CELF6: variants seen among roughly 807,000 people sequenced by gnomAD.
CELF6 encodes Bruno -like 6, RNA binding protein.
A neutral mutation model predicts 53.1 loss-of-function variants in CELF6; 32 were observed. The observed-to-expected ratio is 0.60, with a 90% confidence interval of 0.46 to 0.81. The LOEUF is 0.81. Among genes scored for constraint, CELF6 ranks in the 30% least tolerant of loss-of-function variants. The pLI is 0.00. For synonymous variants in CELF6, 291 were observed against 288.8 expected, an observed-to-expected ratio of 1.01 and a Z score of -0.08; for missense variants, 539 against 669.5, an observed-to-expected ratio of 0.81 and a Z score of 2.15.
chr15:72,308,221 G>GT (rs11455798), intron 2 of CELF6, among the ~76,000 whole-genome samples: 13,596 of 150,646 alleles, frequency 0.09, 2,024 homozygotes, highest in African/African-American at 0.31. Context: ...AAAAGTTATT[G>GT]TTTTTTTTTG....
rs1191251951 is a variant in CELF6, at chr15:72,288,663, C to A, written c.1094-45G>T. 15 of 1,533,436 alleles carry A rather than the reference C, an allele frequency of 9.8e-6. No individual in the cohort carries two copies. The East Asian group carries it at 3.4e-4, about 35-fold the overall frequency. 95.0% of individuals were successfully genotyped at this position (1,533,436 alleles called of 1,614,324 possible). A position where few individuals can be genotyped will look rare whatever the true frequency, so the allele number is the denominator to read the frequency against. ...TGGACAGTGATCCCCAGGAGCCCTT[C>A]CCCAAGCAGGGCCCCAACTGCCTGG... On this transcript the variant is annotated intron_variant, in intron 9 of 12. Coordinates refer to ENST00000287202, the MANE Select transcript of CELF6 (RefSeq NM_052840.5). The surrounding 1 kb of genome is among the most constrained non-coding windows in gnomAD (Gnocchi z 4.6).
rs912472633 is a variant in CELF6 at position 72,289,514 on chromosome 15, G to C, written c.748-7C>G. ...CCGCCTGGTGCTGCAGGATCTTTGA[G>C]AGGAAAGATGGGCGAGAGTGGAGGG... On this transcript the variant is annotated splice_polypyrimidine_tract_variant and splice_region_variant and intron_variant, in intron 6 of 12. Coordinates refer to ENST00000287202, the MANE Select transcript of CELF6 (RefSeq NM_052840.5). This position sits in a 1 kb window ranked among gnomAD's most constrained non-coding sequence, Gnocchi z 7.6. The C allele has an allele frequency of 2.6e-6, 4 of 1,511,132 alleles. No individual in the cohort carries two copies. The highest frequency in any genetic ancestry group is 3.5e-6 in the Non-Finnish European group (4 of 1,134,336). 93.6% of individuals were successfully genotyped at this position (1,511,132 alleles called of 1,614,324 possible). A position where few individuals can be genotyped will look rare whatever the true frequency, so the allele number is the denominator to read the frequency against.
chr15:72,320,157 C>A lies in CELF6; in HGVS notation c.-283G>T. The A allele has an allele frequency of 1.6e-6, 1 of 626,668 alleles. No homozygotes were observed. Among genetic ancestry groups the A allele is most frequent in the Non-Finnish European group, 3.0e-6 (1 of 337,030 alleles). 38.8% of individuals were successfully genotyped at this position (626,668 alleles called of 1,614,324 possible). A position where few individuals can be genotyped will look rare whatever the true frequency, so the allele number is the denominator to read the frequency against. ...CTCTCTCTGGGCTCCCGCCCGAGCTCTCCCAGAGCCGAGCCCCGAGCCCCA... is the reference window on the plus strand; with the variant it reads ...CTCTCTCTGGGCTCCCGCCCGAGCTATCCCAGAGCCGAGCCCCGAGCCCCA... On this transcript the variant is annotated 5_prime_UTR_variant, in exon 1 of 13. Transcript: ENST00000287202.
At chr15:72,287,001 G>C (rs1156732657) in intron 12 of CELF6, among the ~76,000 whole-genome samples, 1 of 152,230 alleles carries the variant, frequency 6.6e-6, no homozygotes, top group African/African-American at 2.4e-5. Context: ...TCTCCAGGCA[G>C]AAAGACTCTG....
At chr15:72,301,993 C>T (rs1402048393) in intron 3 of CELF6, among the ~76,000 whole-genome samples, 2 of 152,176 alleles carry the variant, frequency 1.3e-5, no homozygotes, top group Admixed American at 1.3e-4. Flanking sequence ...CCTCGGCCTC[C>T]CAAAGTGCTG....
intron 3 of CELF6, among the ~76,000 whole-genome samples, chr15:72,294,567 C>A (rs1158154847): frequency 2.0e-5 from 3 of 152,068 alleles, no homozygotes; most frequent in Admixed American, 6.5e-5. Flanking sequence ...ATTCCACACA[C>A]AAAAAAACTG....
At chr15:72,290,307 C>T (rs770784305) in intron 3 of CELF6, 52 bp from the exon 4 acceptor site, 4 of 1,575,638 alleles carry the variant, frequency 2.5e-6, no homozygotes, top group East Asian at 2.3e-5. Flanking sequence ...CCTAGACCCC[C>T]GAGAGTAGCC....
intron 2 of CELF6, among the ~76,000 whole-genome samples, chr15:72,310,160 C>T (rs1243623410): frequency 6.6e-6 from 1 of 152,194 alleles, no homozygotes; most frequent in Non-Finnish European, 1.5e-5. Context: ...TGAGCACTCA[C>T]ACCCTCAGCA....
At chr15:72,306,054 A>G (rs1184375087) in intron 2 of CELF6, 18 of 983,170 alleles carry the variant, frequency 1.8e-5, no homozygotes, top group Non-Finnish European at 2.2e-5. Flanking sequence ...TAATTTGAAA[A>G]CGCTCCTAGG....
chr15:72,292,424 G>A (rs1567278867), intron 3 of CELF6, among the ~76,000 whole-genome samples: 1 of 152,242 alleles, frequency 6.6e-6, no homozygotes, highest in Non-Finnish European at 1.5e-5. Context: ...GGAGAGGCTG[G>A]AGAAGAGTCT....
chr15:72,308,709 T>G (rs2088261496), intron 2 of CELF6, among the ~76,000 whole-genome samples: 1 of 152,086 alleles, frequency 6.6e-6, no homozygotes, highest in Non-Finnish European at 1.5e-5. Flanking sequence ...CATTTTTATT[T>G]ATTTATTTAT....
rs888622022 is a variant in CELF6 at position 72,301,815 on chromosome 15, C to A, written c.394+2931G>T. ...GCAGTGGTGCGATCTTGGCTCACTG[C>A]AAGCTCCGCCTGCTGGGTTCACGCC... is the stretch of plus-strand genomic sequence containing the variant. On this transcript the variant is annotated intron_variant, in intron 3 of 12. Transcript: ENST00000287202. Among the ~76,000 whole-genome samples the A allele has an allele frequency of 3.4e-5, 5 of 147,058 alleles. No individual in the cohort carries two copies. The South Asian group carries it at 8.7e-4, about 26-fold the overall frequency.
At chr15:72,299,255 AC>A (rs1343038909) in intron 3 of CELF6, among the ~76,000 whole-genome samples, 7 of 152,080 alleles carry the variant, frequency 4.6e-5, no homozygotes, top group Middle Eastern at 3.4e-3. Flanking sequence ...ACAAAACAAC[AC>A]AACAACAACA....
chr15:72,288,715 C>T lies in CELF6; in HGVS notation c.1094-97G>A. On this transcript the variant is annotated intron_variant, in intron 9 of 12. Transcript: ENST00000287202. The surrounding 1 kb of genome is among the most constrained non-coding windows in gnomAD (Gnocchi z 4.6). ...CGCTTTTGACCAATTCAGCCCAGTC[C>T]ACCATAACCCTCACCCCAAGAGAGG... 2 of 1,386,006 alleles carry T rather than the reference C, an allele frequency of 1.4e-6. No individual in the cohort carries two copies. Among genetic ancestry groups the T allele is most frequent in the Non-Finnish European group, 2.0e-6 (2 of 997,490 alleles). 85.9% of individuals were successfully genotyped at this position (1,386,006 alleles called of 1,614,324 possible). A position where few individuals can be genotyped will look rare whatever the true frequency, so the allele number is the denominator to read the frequency against.
At chr15:72,291,331 A>G (rs894237759) in intron 3 of CELF6, among the ~76,000 whole-genome samples, 4 of 152,176 alleles carry the variant, frequency 2.6e-5, no homozygotes, top group Admixed American at 2.6e-4. Context: ...GCCTGCTGTT[A>G]AAGTCTGGGG....
At chr15:72,302,684 C>T (rs886771481) in intron 3 of CELF6, among the ~76,000 whole-genome samples, 3 of 152,180 alleles carry the variant, frequency 2.0e-5, no homozygotes, top group Non-Finnish European at 4.4e-5. Context: ...AGCAGGAGTG[C>T]CCTAGCATTG....
rs932424357 is a variant in CELF6, at chr15:72,285,116, C to T, written c.*1255G>A. 1 of 152,776 alleles carries T rather than the reference C, an allele frequency of 6.5e-6. No individual in the cohort carries two copies. The highest frequency in any genetic ancestry group is 1.5e-5 in the Non-Finnish European group (1 of 68,140). The allele number at this position is 152,776 out of a possible 1,614,324, so 9.5% of individuals were successfully genotyped here. A position where few individuals can be genotyped will look rare whatever the true frequency, so the allele number is the denominator to read the frequency against. The stretch of plus-strand genomic sequence containing the variant: ...AGACAGACAGACAGAGCACACACCA[C>T]TTCTAAGCTCAACACTGCTCACCAA... On this transcript the variant is annotated 3_prime_UTR_variant, in exon 13 of 13. Coordinates refer to ENST00000287202, the MANE Select transcript of CELF6 (RefSeq NM_052840.5).
At chr15:72,309,808 A>T (rs1443164155) in intron 2 of CELF6, among the ~76,000 whole-genome samples, 5 of 152,238 alleles carry the variant, frequency 3.3e-5, no homozygotes, top group Admixed American at 6.5e-5. Context: ...CAGGCCAAAA[A>T]CTTGTCCTGG....
At position 72,289,771 on chromosome 15, in the gene CELF6, C is replaced by A; in HGVS notation, c.604-1G>T. 6.9e-7 allele frequency: 1 copy of A among 1,451,538 alleles called. No homozygotes were observed. The highest frequency in any genetic ancestry group is 9.0e-7 in the Non-Finnish European group (1 of 1,108,160). 89.9% of individuals were successfully genotyped at this position (1,451,538 alleles called of 1,614,324 possible). A position where few individuals can be genotyped will look rare whatever the true frequency, so the allele number is the denominator to read the frequency against. On this transcript the variant is annotated splice_acceptor_variant, in intron 5 of 12. Coordinates refer to ENST00000287202, the MANE Select transcript of CELF6 (RefSeq NM_052840.5). LOFTEE classifies it high-confidence loss of function. This position sits in a 1 kb window ranked among gnomAD's most constrained non-coding sequence, Gnocchi z 7.6. The stretch of plus-strand genomic sequence containing the variant: ...TGACCACGAGGCTGGACGAGGCGCC[C>A]TGGGCAGGGCAGGGGAGGCCGTGGT...
Sources: allele counts gnomAD v4.1 joint callset (sites outside exome capture counted in the v4.1 genomes callset), GRCh38; gene constraint gnomAD v4.1.1; non-coding constraint Gnocchi (gnomAD v3.1); transcripts MANE v1.5; gene names NCBI Gene and HGNC (gene_info 2026-07-23, HGNC 2026-07-21).